Variants in COL27A1 observed in about 807,000 individuals in gnomAD.
The protein encoded by COL27A1 is collagen alpha-1(XXVII) chain.
COL27A1 carries 106 observed loss-of-function variants against 251.3 expected under a neutral mutation model. That is an observed-to-expected ratio of 0.42 (90% CI 0.36 to 0.50). The LOEUF (loss-of-function observed/expected upper bound fraction) is 0.50, where lower values mean the gene tolerates loss of function less well. COL27A1 is among the 20% of genes least tolerant of loss of function. The pLI is 0.00. For missense variants in COL27A1, 2,325 were observed against 2,522.8 expected, an observed-to-expected ratio of 0.92 and a Z score of 1.68; for synonymous variants, 1,000 against 986.3, an observed-to-expected ratio of 1.01 and a Z score of -0.26.
intron 56 of COL27A1, among the ~76,000 whole-genome samples, chr9:114,303,284 G>C (rs1828798397): frequency 6.8e-6 from 1 of 147,436 alleles, no homozygotes; most frequent in Admixed American, 7.0e-5. Flanking sequence ...TGTCTCCCAG[G>C]CTGGAGTGCA....
intron 49 of COL27A1, among the ~76,000 whole-genome samples, chr9:114,296,144 G>C (rs1294953541): frequency 6.6e-6 from 1 of 152,140 alleles, no homozygotes; most frequent in Non-Finnish European, 1.5e-5. Context: ...ACTTGGATAA[G>C]ACAAAGATTT....
intron 8 of COL27A1, 141 bp downstream of exon 8, chr9:114,205,287 C>G (rs1159074980): frequency 2.9e-6 from 2 of 696,606 alleles, no homozygotes; most frequent in Non-Finnish European, 4.8e-6. Flanking sequence ...CTGGAGCCCC[C>G]AGCCCACTCC....
chr9:114,156,883 C>A (rs1427135296), intron 1 of COL27A1, among the ~76,000 whole-genome samples: 1 of 152,104 alleles, frequency 6.6e-6, no homozygotes, highest in Non-Finnish European at 1.5e-5. Context: ...CCCGTTGGGG[C>A]CTGTGGACGG....
At chr9:114,307,571 G>A (rs1358868149) in intron 58 of COL27A1, 98 bp from the exon 59 acceptor site, 1 of 828,700 alleles carries the variant, frequency 1.2e-6, no homozygotes, top group Non-Finnish European at 2.1e-6. Context: ...GCTCACCTGG[G>A]GCTCGGCAGG....
At chr9:114,287,413 A>C (rs1241142808) in intron 41 of COL27A1, among the ~76,000 whole-genome samples, 1 of 151,978 alleles carries the variant, frequency 6.6e-6, no homozygotes, top group Non-Finnish European at 1.5e-5. Flanking sequence ...CCTTCCTTGT[A>C]GTTGAAAGGT....
chr9:114,282,038 C>T (rs556785185), intron 37 of COL27A1, among the ~76,000 whole-genome samples: 30 of 152,314 alleles, frequency 2.0e-4, no homozygotes, highest in Non-Finnish European at 4.0e-4. Flanking sequence ...ACTGTCAGCA[C>T]GTTCTTACAT....
intron 7 of COL27A1, among the ~76,000 whole-genome samples, chr9:114,197,160 C>T (rs1441369143): frequency 6.6e-6 from 1 of 152,140 alleles, no homozygotes; most frequent in Non-Finnish European, 1.5e-5. Context: ...ATCCATCGGC[C>T]TACCACTGTG....
chr9:114,156,296 G>T (rs1848119862), intron 1 of COL27A1, among the ~76,000 whole-genome samples: 1 of 150,170 alleles, frequency 6.7e-6, no homozygotes. Context: ...GGGTGGTGGC[G>T]CCTGGAGCGG....
chr9:114,230,639 T>C (rs1321311081), intron 14 of COL27A1, among the ~76,000 whole-genome samples: 2 of 152,152 alleles, frequency 1.3e-5, no homozygotes, highest in Admixed American at 1.3e-4. Context: ...GCCAAGCCTC[T>C]GGGAAGCAGG....
intron 31 of COL27A1, 29 bp downstream of exon 31, chr9:114,265,139 T>C: frequency 1.1e-6 from 1 of 896,928 alleles, no homozygotes; most frequent in Non-Finnish European, 1.7e-6. Context: ...TGAAATTCTC[T>C]ACATGGGGCT....
chr9:114,194,878 G>C (rs1428205402), intron 6 of COL27A1, among the ~76,000 whole-genome samples: 1 of 152,172 alleles, frequency 6.6e-6, no homozygotes, highest in Non-Finnish European at 1.5e-5. Context: ...CCAGCAGACG[G>C]GTCTGTGGAT....
intron 5 of COL27A1, among the ~76,000 whole-genome samples, chr9:114,190,123 C>T (rs1828649687): frequency 2.0e-5 from 3 of 152,220 alleles, no homozygotes; most frequent in Non-Finnish European, 1.5e-5. Flanking sequence ...ATTCCTATCC[C>T]TACCATTGTC....
At chr9:114,301,818 C>T (rs1328192046) in intron 55 of COL27A1, 101 bp downstream of exon 55, 3 of 1,184,058 alleles carry the variant, frequency 2.5e-6, no homozygotes, top group Non-Finnish European at 3.6e-6. Flanking sequence ...CTGAACCCCA[C>T]AGGGGTTCTT....
At chr9:114,210,214 C>G (rs1830251911) in intron 11 of COL27A1, among the ~76,000 whole-genome samples, 1 of 152,232 alleles carries the variant, frequency 6.6e-6, no homozygotes, top group Non-Finnish European at 1.5e-5. Flanking sequence ...TTGAACTCAG[C>G]CTTGCTCATT....
chr9:114,163,374 G>C (rs1170322568), intron 2 of COL27A1, among the ~76,000 whole-genome samples: 1 of 149,762 alleles, frequency 6.7e-6, no homozygotes, highest in Non-Finnish European at 1.5e-5. Context: ...AGTTGTCCCT[G>C]TTTGTCCAAT....
In COL27A1 at chr9:114,270,751, C is replaced by T. The variant is rs1201823887; in HGVS notation, c.3579C>T (p.Asp1193=). ...AGGGAGAGCCAGGCCTTGAGGGTGA[C>T]AGTGGCCCCATGGGACCTGATGGGC... is the stretch of plus-strand genomic sequence containing the variant. ...GQRGEPGLEG[D]SGPMGPDGLK... is the part of the protein sequence containing the mutation. The change falls in exon 36 of 61, where the codon GAC becomes GAT. Residue 1193 remains aspartate (D), a synonymous_variant. Coordinates refer to ENST00000356083, the MANE Select transcript of COL27A1 (RefSeq NM_032888.4). The T allele has an allele frequency of 2.5e-6, 4 of 1,612,934 alleles. No individual in the cohort carries two copies. The highest frequency in any genetic ancestry group is 3.3e-5 in the Admixed American group (2 of 59,758).
At chr9:114,300,499 C>A in intron 50 of COL27A1, 126 bp from the exon 51 acceptor site, 1 of 654,468 alleles carries the variant, frequency 1.5e-6, no homozygotes, top group Non-Finnish European at 2.5e-6. Context: ...CCTTCTGGGG[C>A]CTCTCAGGTA....
chr9:114,205,945 C>A, intron 9 of COL27A1, 133 bp downstream of exon 9: 1 of 788,982 alleles, frequency 1.3e-6, no homozygotes, highest in Middle Eastern at 3.7e-4. Context: ...AAGGAGGGGG[C>A]TTTCCAGGGG....
At position 114,191,974 on chromosome 9, in the gene COL27A1, G is replaced by A. The variant is rs117406549; in HGVS notation, c.2017-2430G>A. Among the ~76,000 whole-genome samples the A allele has an allele frequency of 8.5e-5, 13 of 152,312 alleles. No homozygotes were observed. The East Asian group carries it at 1.3e-3, about 16-fold the overall frequency. On this transcript the variant is annotated intron_variant, in intron 5 of 60. Coordinates refer to ENST00000356083, the MANE Select transcript of COL27A1 (RefSeq NM_032888.4). ...TCTGGTTTTTCCATCATGGACATGA[G>A]TGTGTCTGTTCCCCACCATGGCATT...
Sources: gnomAD v4.1 joint callset for allele counts (sites outside exome capture counted in the v4.1 genomes callset) on GRCh38, gnomAD v4.1.1 for gene constraint, MANE v1.5 for transcripts, NCBI Gene and HGNC (gene_info 2026-07-23, HGNC 2026-07-21) for gene names.